Variants in NAALADL2 observed in about 807,000 individuals in gnomAD.
NAALADL2 encodes N-acetylated alpha-linked acidic dipeptidase like 2, also known as inactive N-acetylated-alpha-linked acidic dipeptidase-like protein 2.
A neutral mutation model predicts 87.2 loss-of-function variants in NAALADL2; 76 were observed. The ratio of observed to expected loss-of-function variants is 0.87; its 90% confidence interval spans 0.72 to 1.05. The LOEUF (loss-of-function observed/expected upper bound fraction) is 1.05. Ranked by LOEUF, NAALADL2 falls within the 50% of genes least tolerant of loss-of-function variation. NAALADL2 has a pLI of 0.00. For synonymous variants in NAALADL2, 354 were observed against 331.0 expected (o/e 1.07, Z -0.75); for missense variants, 1,089 against 945.8 (o/e 1.15, Z -1.99).
At chr3:175,021,034 A>G (rs1285401579) in intron 1 of NAALADL2, among the ~76,000 whole-genome samples, 1 of 152,094 alleles carries the variant, frequency 6.6e-6, no homozygotes, top group African/African-American at 2.4e-5. Context: ...ATTCTTGGCT[A>G]TAGGAATAAA....
intron 2 of NAALADL2, among the ~76,000 whole-genome samples, chr3:175,142,408 T>C (rs921244522): frequency 6.6e-6 from 1 of 152,052 alleles, no homozygotes; most frequent in African/African-American, 2.4e-5. Flanking sequence ...TCTTACTATG[T>C]ATGTTACTAT....
At chr3:175,238,020 T>C (rs1267346193) in intron 3 of NAALADL2, among the ~76,000 whole-genome samples, 1 of 152,160 alleles carries the variant, frequency 6.6e-6, no homozygotes, top group Admixed American at 6.5e-5. Context: ...TTTTAAAAAG[T>C]TAATTATTTT....
chr3:175,262,580 G>C (rs1374985276), intron 4 of NAALADL2, among the ~76,000 whole-genome samples: 19 of 88,072 alleles, frequency 2.2e-4, no homozygotes, highest in African/African-American at 5.5e-4. Flanking sequence ...GTGTGAGTGT[G>C]TGTGTGTGTG....
intron 5 of NAALADL2, among the ~76,000 whole-genome samples, chr3:175,364,750 G>A (rs1341533190): frequency 6.8e-6 from 1 of 147,180 alleles, no homozygotes; most frequent in Non-Finnish European, 1.5e-5. Flanking sequence ...TAAATGTATT[G>A]CCTTACATGA....
chr3:175,100,258 A>C (rs1387268977), intron 2 of NAALADL2, among the ~76,000 whole-genome samples: 10 of 152,140 alleles, frequency 6.6e-5, no homozygotes. Context: ...GTATGGCCCC[A>C]GAGATGATTA....
intron 3 of NAALADL2, among the ~76,000 whole-genome samples, chr3:174,790,118 A>G (rs902672615): frequency 6.6e-6 from 1 of 152,188 alleles, no homozygotes; most frequent in East Asian, 1.9e-4. Flanking sequence ...CAGTGAATCA[A>G]CGATGAAGTG....
At chr3:174,824,221 T>C (rs1721739190) in intron 3 of NAALADL2, among the ~76,000 whole-genome samples, 1 of 152,168 alleles carries the variant, frequency 6.6e-6, no homozygotes, top group Non-Finnish European at 1.5e-5. Flanking sequence ...TGGAAAAAGG[T>C]GCATATGTAA....
At chr3:174,853,358 C>A (rs1469127797) in intron 3 of NAALADL2, among the ~76,000 whole-genome samples, 1 of 124,028 alleles carries the variant, frequency 8.1e-6, no homozygotes, top group African/African-American at 3.2e-5. Flanking sequence ...AGCCTGGCAA[C>A]AGAGCGAGAC....
chr3:175,486,085 A>C (rs891382874), intron 9 of NAALADL2, among the ~76,000 whole-genome samples: 7 of 150,040 alleles, frequency 4.7e-5, no homozygotes, highest in African/African-American at 1.7e-4. Flanking sequence ...CTATTATAGC[A>C]GCCTGAACTG....
At chr3:175,474,195 A>C (rs1725306471) in intron 9 of NAALADL2, among the ~76,000 whole-genome samples, 1 of 152,188 alleles carries the variant, frequency 6.6e-6, no homozygotes, top group African/African-American at 2.4e-5. Context: ...ATGACACAAG[A>C]CTGTATAGAA....
intron 3 of NAALADL2, among the ~76,000 whole-genome samples, chr3:175,237,192 C>T (rs1746055868): frequency 6.6e-6 from 1 of 152,050 alleles, no homozygotes; most frequent in Non-Finnish European, 1.5e-5. Context: ...CTTTTAAAAA[C>T]TGAGCCTATT....
chr3:174,903,964 T>G (rs1732624703), intron 1 of NAALADL2, among the ~76,000 whole-genome samples: 1 of 147,694 alleles, frequency 6.8e-6, no homozygotes, highest in Non-Finnish European at 1.5e-5. Context: ...TATCTATATC[T>G]ATATCTATAT....
intron 3 of NAALADL2, among the ~76,000 whole-genome samples, chr3:174,806,934 A>T (rs184384577): frequency 6.6e-6 from 1 of 152,160 alleles, no homozygotes; most frequent in Non-Finnish European, 1.5e-5. Flanking sequence ...CAGGAGAAAC[A>T]TCATTGTCCT....
intron 11 of NAALADL2, among the ~76,000 whole-genome samples, chr3:175,730,231 A>G (rs1743490922): frequency 6.6e-6 from 1 of 151,586 alleles, no homozygotes; most frequent in Non-Finnish European, 1.5e-5. Context: ...ACAGTTTAGT[A>G]AATAATCTTT....
At chr3:174,467,135 G>T (rs555834021) in intron 1 of NAALADL2, among the ~76,000 whole-genome samples, 1 of 152,092 alleles carries the variant, frequency 6.6e-6, no homozygotes, top group Non-Finnish European at 1.5e-5. Flanking sequence ...TTGCTAATGG[G>T]AGTAAAAAGT....
intron 5 of NAALADL2, among the ~76,000 whole-genome samples, chr3:175,414,823 T>C (rs1046651252): frequency 6.6e-6 from 1 of 152,176 alleles, no homozygotes; most frequent in Admixed American, 6.5e-5. Context: ...AAGAAAATTA[T>C]GTGAGGTTAT....
Position 175,805,284 on chromosome 3 carries a change from T to G in NAALADL2, c.*2081T>G, listed in dbSNP as rs1754601438. 1 of 151,868 alleles carries G rather than the reference T, an allele frequency of 6.6e-6. No homozygotes were observed. Among genetic ancestry groups the G allele is most frequent in the Non-Finnish European group, 1.5e-5 (1 of 67,868 alleles). The allele number at this position is 151,868 out of a possible 1,614,324, so 9.4% of individuals were successfully genotyped here. On this transcript the variant is annotated 3_prime_UTR_variant, in exon 14 of 14. Transcript: ENST00000454872. ...AATAGCACTGAGAACAGAAAACATG[T>G]TTCTTCTTCATTTTGTTTAAAGATT...
intron 1 of NAALADL2, among the ~76,000 whole-genome samples, chr3:174,467,270 T>G (rs1716593562): frequency 6.6e-6 from 1 of 152,172 alleles, no homozygotes; most frequent in East Asian, 1.9e-4. Flanking sequence ...TTTATAATAT[T>G]ACTTTTGCAA....
chr3:175,171,500 A>T (rs1734802533), intron 2 of NAALADL2, among the ~76,000 whole-genome samples: 1 of 152,084 alleles, frequency 6.6e-6, no homozygotes, highest in South Asian at 2.1e-4. Context: ...TAGAAACATA[A>T]TACCAATGGG....
Sources: allele counts gnomAD v4.1 joint callset (sites outside exome capture counted in the v4.1 genomes callset), GRCh38; gene constraint gnomAD v4.1.1; transcripts MANE v1.5; gene names NCBI Gene and HGNC (gene_info 2026-07-23, HGNC 2026-07-21).